The following PTPRR variants were observed in gnomAD, a reference collection of about 807,000 sequenced individuals.
PTPRR encodes receptor-type tyrosine-protein phosphatase R.
PTPRR carries 38 observed loss-of-function variants against 77.2 expected under a neutral mutation model. The ratio of observed to expected loss-of-function variants is 0.49; its 90% confidence interval spans 0.38 to 0.65. The LOEUF (loss-of-function observed/expected upper bound fraction) is 0.65, where lower values mean the gene tolerates loss of function less well. Ranked by LOEUF, PTPRR falls within the 30% of genes least tolerant of loss-of-function variation. The pLI is 0.00. For missense variants in PTPRR, 744 were observed against 799.2 expected (o/e 0.93, Z 0.83); for synonymous variants, 299 against 283.1 (o/e 1.06, Z -0.57).
chr12:70,658,828 G>T (rs930169710), intron 12 of PTPRR, among the ~76,000 whole-genome samples: 50 of 139,832 alleles, frequency 3.6e-4, no homozygotes, highest in Non-Finnish European at 5.2e-4. Flanking sequence ...ATTTCAAGGA[G>T]TTCACTGACC....
chr12:70,824,093 G>A lies in PTPRR; in HGVS notation c.358-59315C>T, dbSNP rs12426934. Among the ~76,000 whole-genome samples the A allele has an allele frequency of 4.3e-3, 653 of 152,242 alleles. 7 individuals carry two copies. The highest frequency in any genetic ancestry group is 0.015 in the African/African-American group (628 of 41,534). On this transcript the variant is annotated intron_variant, in intron 2 of 13. Coordinates refer to ENST00000283228, the MANE Select transcript of PTPRR (RefSeq NM_002849.4). ...ACTACTCTGGGCCAGAGGTCCCAAC[G>A]TTAGACAGACTTATTGGGAAACCGC...
chr12:70,887,296 A>G (rs1893255624), intron 2 of PTPRR, among the ~76,000 whole-genome samples: 1 of 151,134 alleles, frequency 6.6e-6, no homozygotes, highest in Admixed American at 6.6e-5. Context: ...CTAAAAATAC[A>G]AAAAATTTAG....
chr12:70,734,933 A>G (rs377508585), intron 6 of PTPRR, among the ~76,000 whole-genome samples: 9 of 152,326 alleles, frequency 5.9e-5, no homozygotes, highest in African/African-American at 2.2e-4. Flanking sequence ...TTCACTTAAC[A>G]AGATTACATT....
intron 6 of PTPRR, among the ~76,000 whole-genome samples, chr12:70,724,218 C>T (rs1889357081): frequency 6.6e-6 from 1 of 152,142 alleles, no homozygotes. Context: ...ACTCCTCATA[C>T]TGAATTTTAG....
intron 2 of PTPRR, among the ~76,000 whole-genome samples, chr12:70,854,250 A>G (rs938520586): frequency 1.3e-5 from 2 of 152,224 alleles, no homozygotes; most frequent in Admixed American, 1.3e-4. Flanking sequence ...ACTGAGCAAT[A>G]TTAAGGGCTG....
rs151053959 is a variant in PTPRR at position 70,754,194 on chromosome 12, C to G, written c.735G>C (p.Leu245Phe). 1 of 1,612,426 alleles carries G rather than the reference C, an allele frequency of 6.2e-7. No individual in the cohort carries two copies. Reference protein sequence around the residue: ...LSIFVIIVTCLMILYRLKERF... With the variant: ...LSIFVIIVTCFMILYRLKERF... ...ATATACAAAGAAGCAAACTTACCAT[C>G]AAACACGTTACTATAATAACAAAGA... Residue 245 changes from leucine (L) to phenylalanine (F), a missense_variant, in exon 5 of 14, where the codon TTG becomes TTC. Coordinates refer to ENST00000283228, the MANE Select transcript of PTPRR (RefSeq NM_002849.4).
rs1316197901 is a variant in PTPRR at position 70,754,727 on chromosome 12, G to A, written c.628-426C>T. 1.3e-5 allele frequency: 21 copies of A among 1,577,996 alleles called. 1 individual carries two copies. Among genetic ancestry groups the A allele is most frequent in the Non-Finnish European group, 1.8e-5 (21 of 1,168,742 alleles). On this transcript the variant is annotated intron_variant, in intron 4 of 13. Transcript: ENST00000283228. The stretch of plus-strand genomic sequence containing the variant: ...TACCTCTTTACTTTTAAACAAAAGT[G>A]AAACAAGTGCAAACAAAAGCTTGTG...
intron 6 of PTPRR, among the ~76,000 whole-genome samples, chr12:70,743,569 GT>G (rs1196989158): frequency 3.3e-5 from 5 of 152,126 alleles, no homozygotes; most frequent in Non-Finnish European, 7.4e-5. Context: ...TAGGGTTGAG[GT>G]GAATGACCTG....
At chr12:70,664,385 G>A (rs963434896) in intron 10 of PTPRR, 1 of 152,114 alleles carries the variant, frequency 6.6e-6, no homozygotes, top group Admixed American at 6.6e-5. Context: ...TGTAAGACCC[G>A]AGCTACTGTG....
chr12:70,840,168 A>G (rs2470372), intron 2 of PTPRR, among the ~76,000 whole-genome samples: 100,545 of 151,994 alleles, frequency 0.66, 34,100 homozygotes, highest in African/African-American at 0.81. Context: ...CTGGGGCCAT[A>G]TTCCTTTCTG....
At chr12:70,700,747 T>C (rs1888391402) in intron 7 of PTPRR, among the ~76,000 whole-genome samples, 1 of 152,114 alleles carries the variant, frequency 6.6e-6, no homozygotes. Context: ...CCTAAACATA[T>C]ATTAAGGCTA....
chr12:70,700,875 C>T (rs752400436), intron 7 of PTPRR, among the ~76,000 whole-genome samples: 33 of 152,148 alleles, frequency 2.2e-4, no homozygotes, highest in Non-Finnish European at 3.4e-4. Flanking sequence ...ATTCTTTGTC[C>T]TGGAATGCCC....
Position 70,823,859 on chromosome 12 carries a change from G to A in PTPRR, c.358-59081C>T, listed in dbSNP as rs547269636. On this transcript the variant is annotated intron_variant, in intron 2 of 13. Coordinates refer to ENST00000283228, the MANE Select transcript of PTPRR (RefSeq NM_002849.4). ...GGGGCTGCTCCTGGGTCTTGTAAGC[G>A]GGATGTGCTACTCGGCCTGTGGGCC... Among the ~76,000 whole-genome samples the A allele has an allele frequency of 6.6e-5, 10 of 152,298 alleles. No homozygotes were observed. In the East Asian group the frequency reaches 7.8e-4, roughly 12 times the overall value.
chr12:70,889,623 CAAG>C (rs1290488617), intron 2 of PTPRR, among the ~76,000 whole-genome samples: 1 of 152,032 alleles, frequency 6.6e-6, no homozygotes, highest in Non-Finnish European at 1.5e-5. Flanking sequence ...TCTAGGATCT[CAAG>C]GAGAGGATCG....
intron 12 of PTPRR, among the ~76,000 whole-genome samples, chr12:70,657,167 T>G (rs184624856): frequency 6.6e-6 from 1 of 152,244 alleles, no homozygotes; most frequent in African/African-American, 2.4e-5. Context: ...TCTGAAGGAC[T>G]GGAGCTGAAG....
chr12:70,666,583 A>T, intron 10 of PTPRR, among the ~76,000 whole-genome samples: 1 of 152,220 alleles, frequency 6.6e-6, no homozygotes. Context: ...TGGTGAAAAA[A>T]GTAAACCAGT....
rs187902494 is a variant in PTPRR at position 70,654,212 on chromosome 12, G to A, written c.1880+2492C>T. On this transcript the variant is annotated intron_variant, in intron 13 of 13. Coordinates refer to ENST00000283228, the MANE Select transcript of PTPRR (RefSeq NM_002849.4). ...TCTCATTTTTCAGAATAATCTTCTT[G>A]TCTTTTTTATTGAAATGCCAGGACA... Among the ~76,000 whole-genome samples the A allele has an allele frequency of 2.2e-4, 33 of 152,140 alleles. 1 individual carries two copies. The highest frequency in any genetic ancestry group is 2.2e-3 in the Admixed American group (33 of 15,296).
At chr12:70,726,662 C>T (rs1034427730) in intron 6 of PTPRR, among the ~76,000 whole-genome samples, 7 of 151,490 alleles carry the variant, frequency 4.6e-5, no homozygotes, top group African/African-American at 1.2e-4. Flanking sequence ...CTCACTGCAA[C>T]CTCCACCTCC....
chr12:70,780,768 AT>A (rs1220759842), intron 2 of PTPRR, among the ~76,000 whole-genome samples: 4 of 152,180 alleles, frequency 2.6e-5, no homozygotes, highest in African/African-American at 9.7e-5. Context: ...CAGTTTTAAT[AT>A]AATAATATTC....
Sources: allele counts gnomAD v4.1 joint callset (sites outside exome capture counted in the v4.1 genomes callset), GRCh38; gene constraint gnomAD v4.1.1; transcripts MANE v1.5; gene names NCBI Gene and HGNC (gene_info 2026-07-23, HGNC 2026-07-21).